The following CPSF3 variants were observed in gnomAD, a reference collection of about 807,000 sequenced individuals.
CPSF3 encodes cleavage and polyadenylation specificity factor subunit 3.
A neutral mutation model predicts 84.1 loss-of-function variants in CPSF3; 57 were observed. The ratio of observed to expected loss-of-function variants is 0.68; its 90% CI spans 0.55 to 0.85. CPSF3 has a LOEUF of 0.85. CPSF3 is among the 40% of genes least tolerant of loss of function. The probability of loss-of-function intolerance (pLI) is 0.00; values close to 1 mark genes in which losing one functional copy is unlikely to be tolerated. For missense variants in CPSF3, 522 were observed against 838.8 expected, an observed-to-expected ratio of 0.62 and a Z score of 4.66; for synonymous variants, 275 against 278.1, an observed-to-expected ratio of 0.99 and a Z score of 0.11.
chr2:9,469,547 G>A (rs1195436401), intron 16 of CPSF3, among the ~76,000 whole-genome samples: 1 of 152,152 alleles, frequency 6.6e-6, no homozygotes, highest in Non-Finnish European at 1.5e-5. Context: ...CTCAGGAGCC[G>A]TGGGGAGGGC....
chr2:9,432,705 G>T lies in CPSF3; in HGVS notation c.519+17G>T, dbSNP rs369409765. 63 of 1,484,078 alleles carry T rather than the reference G, an allele frequency of 4.2e-5. No homozygotes were observed. The highest frequency in any genetic ancestry group is 5.6e-5 in the Non-Finnish European group (61 of 1,097,430). The allele number at this position is 1,484,078 out of a possible 1,614,324, so 91.9% of individuals were successfully genotyped here. On this transcript the variant is annotated intron_variant, in intron 5 of 17. Transcript: ENST00000238112. ...GGCGTGAAGGTACCCTCTGGCTGTG[G>T]CGCTTTTCTCCCCAGAGAAATCAGT...
intron 3 of CPSF3, 46 bp from the exon 4 acceptor site, chr2:9,430,706 G>A: frequency 6.4e-7 from 1 of 1,568,022 alleles, no homozygotes; most frequent in African/African-American, 1.4e-5. Flanking sequence ...CATGGTATCT[G>A]ATGGATAATA....
In CPSF3 at chr2:9,432,601, G is replaced by A. The variant is rs1680628574; in HGVS notation, c.432G>A (p.Lys144=). ...KIETINFHEV[K]EVAGIKFWCY... is the part of the protein sequence containing the mutation. ...AAACTATCAACTTTCATGAAGTTAAGGAAGTTGCGGGAATCAAGTTTTGGT... is the reference window on the plus strand; with the variant it reads ...AAACTATCAACTTTCATGAAGTTAAAGAAGTTGCGGGAATCAAGTTTTGGT... Residue 144 remains lysine, a synonymous_variant, in exon 5 of 18, where the codon AAG becomes AAA. Coordinates refer to ENST00000238112, the MANE Select transcript of CPSF3 (RefSeq NM_016207.4). 1.3e-5 allele frequency: 20 copies of A among 1,589,752 alleles called. No homozygotes were observed. The highest frequency in any genetic ancestry group is 1.7e-5 in the Non-Finnish European group (20 of 1,162,108).
intron 17 of CPSF3, among the ~76,000 whole-genome samples, chr2:9,471,742 A>T (rs1397935812): frequency 6.6e-6 from 1 of 151,652 alleles, no homozygotes; most frequent in Non-Finnish European, 1.5e-5. Context: ...TCCATTTTTT[A>T]AAGAAGCCGC....
intron 16 of CPSF3, among the ~76,000 whole-genome samples, chr2:9,469,098 T>C (rs1682074570): frequency 6.6e-6 from 1 of 152,208 alleles, no homozygotes; most frequent in Admixed American, 6.5e-5. Context: ...GTGATTACCA[T>C]GGCCGTTGAA....
chr2:9,455,134 G>A, intron 12 of CPSF3, among the ~76,000 whole-genome samples: 1 of 143,734 alleles, frequency 7.0e-6, no homozygotes, highest in African/African-American at 2.6e-5. Flanking sequence ...GACATGAGGT[G>A]CTTTTTTTTT....
chr2:9,433,525 C>T (rs550910793), intron 5 of CPSF3, among the ~76,000 whole-genome samples: 46 of 152,282 alleles, frequency 3.0e-4, no homozygotes, highest in Middle Eastern at 3.4e-3. Flanking sequence ...ATTTTATCTC[C>T]GGTTTTAGAC....
At position 9,423,870 on chromosome 2, in the gene CPSF3, C is replaced by T. The variant is rs777865175; in HGVS notation, c.50+47C>T. ...GAATGAAGCCACGGGCTGTGAGGGG[C>T]GCGAGGGGTAACCGGAGACTGGCCT... On this transcript the variant is annotated intron_variant, in intron 1 of 17. Transcript: ENST00000238112. The T allele has an allele frequency of 1.2e-5, 19 of 1,604,000 alleles. No homozygotes were observed. The Admixed American group carries it at 2.2e-4, about 19-fold the overall frequency.
At chr2:9,449,603 GC>G in intron 11 of CPSF3, among the ~76,000 whole-genome samples, 1 of 152,202 alleles carries the variant, frequency 6.6e-6, no homozygotes, top group East Asian at 1.9e-4. Flanking sequence ...TTAGCTGGGT[GC>G]AGTGGCATGC....
intron 1 of CPSF3, chr2:9,424,052 G>A (rs1680229950): frequency 7.9e-7 from 1 of 1,261,616 alleles, no homozygotes; most frequent in African/African-American, 1.6e-5. Flanking sequence ...TTCAGGGGAG[G>A]GTATGTTGGA....
intron 2 of CPSF3, among the ~76,000 whole-genome samples, chr2:9,429,649 C>T (rs930966878): frequency 9.2e-5 from 14 of 152,068 alleles, no homozygotes; most frequent in African/African-American, 3.4e-4. Flanking sequence ...AGATTTAATT[C>T]GTTGTTAGAA....
chr2:9,444,799 G>A (rs1454739169), intron 10 of CPSF3, among the ~76,000 whole-genome samples: 1 of 152,084 alleles, frequency 6.6e-6, no homozygotes, highest in African/African-American at 2.4e-5. Flanking sequence ...CCGGGTAGCT[G>A]GGATTACAGG....
intron 15 of CPSF3, among the ~76,000 whole-genome samples, chr2:9,467,035 T>C (rs1250304252): frequency 1.3e-5 from 2 of 152,182 alleles, no homozygotes; most frequent in Non-Finnish European, 2.9e-5. Flanking sequence ...AGGAGTAGAA[T>C]TACTAGGTCA....
At chr2:9,467,843 C>G (rs1682027617) in intron 16 of CPSF3, 67 bp downstream of exon 16, 23 of 1,272,774 alleles carry the variant, frequency 1.8e-5, no homozygotes, top group Non-Finnish European at 1.9e-5. Flanking sequence ...CTGGATTCGG[C>G]TCTGACTCCT....
At position 9,428,757 on chromosome 2, in the gene CPSF3, A is replaced by T. The variant is rs768772398; in HGVS notation, c.51-8A>T. Reference sequence around the variant, plus strand: ...AATCCTTCTTTTTCTCCCCTTGAATATTTACAGTGGAGCTGGGCAAGAAGT... The same window carrying T: ...AATCCTTCTTTTTCTCCCCTTGAATTTTTACAGTGGAGCTGGGCAAGAAGT... On this transcript the variant is annotated splice_region_variant and splice_polypyrimidine_tract_variant and intron_variant, in intron 1 of 17. Coordinates refer to ENST00000238112, the MANE Select transcript of CPSF3 (RefSeq NM_016207.4). 1 of 1,595,452 alleles carries T rather than the reference A, an allele frequency of 6.3e-7. No individual in the cohort carries two copies. Among genetic ancestry groups the T allele is most frequent in the South Asian group, 1.1e-5 (1 of 89,834 alleles).
intron 16 of CPSF3, 170 bp downstream of exon 16, chr2:9,467,946 C>A (rs1682032631): frequency 1.7e-6 from 1 of 580,216 alleles, no homozygotes; most frequent in Non-Finnish European, 3.0e-6. Flanking sequence ...CCGTTCCCTG[C>A]CAGCTCTGCA....
chr2:9,439,929 T>G (rs1572777742), intron 7 of CPSF3, among the ~76,000 whole-genome samples: 1 of 152,266 alleles, frequency 6.6e-6, no homozygotes, highest in South Asian at 2.1e-4. Flanking sequence ...CCATGAGCCA[T>G]GATCATACCA....
intron 6 of CPSF3, among the ~76,000 whole-genome samples, chr2:9,434,852 G>A (rs1680720129): frequency 1.3e-5 from 2 of 152,176 alleles, no homozygotes; most frequent in Non-Finnish European, 2.9e-5. Context: ...GGTGTATGTG[G>A]TTCAAGGAGG....
At position 9,451,716 on chromosome 2, in the gene CPSF3, C is replaced by CTTT. The variant is rs35559032; in HGVS notation, c.1396-1180_1396-1178dup. Among the ~76,000 whole-genome samples the CTTT allele has an allele frequency of 1.4e-3, 181 of 128,844 alleles. 1 individual carries two copies. Among genetic ancestry groups the CTTT allele is most frequent in the African/African-American group, 4.6e-3 (156 of 33,760 alleles). 84.5% of individuals were successfully genotyped at this position (128,844 alleles called of 152,430 possible). ...GTCTCAGAAAAATAAATAAATGAAA[C>CTTT]TTTTTTTTTTTTTTTTTTTGAGAAA... is the stretch of plus-strand genomic sequence containing the variant. On this transcript the variant is annotated intron_variant, in intron 11 of 17. Transcript: ENST00000238112.
Sources: gnomAD v4.1 joint callset for allele counts (sites outside exome capture counted in the v4.1 genomes callset) on GRCh38, gnomAD v4.1.1 for gene constraint, MANE v1.5 for transcripts, NCBI Gene and HGNC (gene_info 2026-07-23, HGNC 2026-07-21) for gene names.